Variants in YTHDC2 observed in about 807,000 individuals in gnomAD.
YTHDC2 encodes YTH N6-methyladenosine RNA binding protein C2, also known as 3'-5' RNA helicase YTHDC2.
A neutral mutation model predicts 174.9 loss-of-function variants in YTHDC2; 45 were observed. The ratio of observed to expected loss-of-function variants is 0.26; its 90% CI spans 0.20 to 0.33. YTHDC2 has a LOEUF of 0.33. Ranked by LOEUF, YTHDC2 falls within the 10% of genes least tolerant of loss-of-function variation. The probability of loss-of-function intolerance (pLI) is 1.00; values close to 1 mark genes in which losing one functional copy is unlikely to be tolerated. For synonymous variants in YTHDC2, 657 were observed against 574.5 expected (o/e 1.14, Z -2.05); for missense variants, 1,650 against 1,723.7 (o/e 0.96, Z 0.76).
chr5:113,563,825 C>G, intron 19 of YTHDC2, 34 bp from the exon 20 acceptor site: 1 of 1,608,690 alleles, frequency 6.2e-7, no homozygotes, highest in South Asian at 1.1e-5. Context: ...ACAGTTTGCT[C>G]ACATCAAAGT....
chr5:113,543,643 C>G (rs1775636562), intron 10 of YTHDC2, among the ~76,000 whole-genome samples: 1 of 152,232 alleles, frequency 6.6e-6, no homozygotes, highest in Non-Finnish European at 1.5e-5. Context: ...GTTCTCAACT[C>G]TCGCAGGCTT....
chr5:113,563,478 G>T lies in YTHDC2; in HGVS notation c.2428G>T (p.Val810Leu), dbSNP rs147258494. The change falls in exon 19 of 30, where the codon GTA becomes TTA. Residue 810 changes from valine (V) to leucine (L), a missense_variant. By Grantham distance (32) the Val-to-Leu change is conservative. Around this residue, in one of 5 missense-constraint regions of YTHDC2, gnomAD observed 913 missense variants for 940.4 expected, o/e 0.97. Coordinates refer to ENST00000161863, the MANE Select transcript of YTHDC2 (RefSeq NM_022828.5). ...PPPALIVRNA[V>L]QMLKTIDAMD... is the part of the protein sequence containing the mutation. ...ACCAGCTTTAATTGTAAGAAATGCTGTACAAATGCTTAAGGTTGGTGTCTT... is the reference window on the plus strand; with the variant it reads ...ACCAGCTTTAATTGTAAGAAATGCTTTACAAATGCTTAAGGTTGGTGTCTT... 5.0e-6 allele frequency: 8 copies of T among 1,605,948 alleles called. No individual in the cohort carries two copies. The highest frequency in any genetic ancestry group is 1.7e-5 in the Admixed American group (1 of 59,460).
At chr5:113,525,248 T>G in intron 3 of YTHDC2, 71 bp downstream of exon 3, 1 of 1,275,726 alleles carries the variant, frequency 7.8e-7, no homozygotes, top group South Asian at 1.7e-5. Flanking sequence ...ATTTTAGATT[T>G]ATTTTCGAAA....
intron 7 of YTHDC2, among the ~76,000 whole-genome samples, chr5:113,538,674 T>C (rs1561644688): frequency 3.9e-5 from 6 of 152,162 alleles, no homozygotes. Flanking sequence ...TGTCATGGTG[T>C]CTTGTACTTG....
chr5:113,539,987 G>A (rs995888493), intron 8 of YTHDC2, among the ~76,000 whole-genome samples: 2 of 152,086 alleles, frequency 1.3e-5, no homozygotes, highest in Admixed American at 6.5e-5. Context: ...CTGCAGCCTC[G>A]ACCTCCTCAT....
chr5:113,542,574 C>G (rs369812390), intron 10 of YTHDC2, 71 bp downstream of exon 10: 1 of 1,398,356 alleles, frequency 7.2e-7, no homozygotes, highest in African/African-American at 1.5e-5. Context: ...TAATTCAAAA[C>G]GTATGTACTA....
intron 10 of YTHDC2, among the ~76,000 whole-genome samples, chr5:113,545,402 G>A (rs960210983): frequency 1.4e-5 from 2 of 138,890 alleles, no homozygotes; most frequent in Non-Finnish European, 3.1e-5. Context: ...GTTTTGTTTT[G>A]AAACAGGGTC....
At position 113,526,691 on chromosome 5, in the gene YTHDC2, C is replaced by T. The variant is rs1774262066; in HGVS notation, c.581C>T (p.Pro194Leu). 4 of 1,592,644 alleles carry T rather than the reference C, an allele frequency of 2.5e-6. No individual in the cohort carries two copies. The East Asian group carries it at 6.9e-5, about 27-fold the overall frequency. ...TTTGATTCTTTTAGGCAGTCTTTAC[C>T]AGTGTTTGAGAAACAGGAAGAAATT... The part of the protein sequence containing the change: ...SEFDSFRQSL[P>L]VFEKQEEIVK... Residue 194 changes from proline (P) to leucine (L), a missense_variant, in exon 4 of 30, where the codon CCA becomes CTA. This residue lies in a region of YTHDC2 where 304 missense variants were observed against 341.4 expected (regional missense o/e 0.89). Transcript: ENST00000161863.
At chr5:113,571,156 T>C (rs6877834) in intron 23 of YTHDC2, among the ~76,000 whole-genome samples, 46,341 of 152,122 alleles carry the variant, frequency 0.3, 9,256 homozygotes, top group African/African-American at 0.55. Flanking sequence ...TATGTTCCTT[T>C]ACTACCTAGT....
chr5:113,535,898 C>G (rs1775027687), intron 7 of YTHDC2, 100 bp downstream of exon 7: 1 of 965,916 alleles, frequency 1.0e-6, no homozygotes, highest in African/African-American at 1.7e-5. Context: ...GAAGTAGAGG[C>G]CATCTATTAC....
At chr5:113,536,396 G>A (rs1176131984) in intron 7 of YTHDC2, among the ~76,000 whole-genome samples, 5 of 152,150 alleles carry the variant, frequency 3.3e-5, no homozygotes, top group East Asian at 1.9e-4. Flanking sequence ...GTGGTGGCAC[G>A]CACTTGCAGT....
At chr5:113,525,251 T>C in intron 3 of YTHDC2, 74 bp downstream of exon 3, 1 of 1,232,760 alleles carries the variant, frequency 8.1e-7, no homozygotes, top group Non-Finnish European at 1.1e-6. Flanking sequence ...TTAGATTTAT[T>C]TTCGAAAACC....
intron 21 of YTHDC2, 142 bp downstream of exon 21, chr5:113,566,161 G>T: frequency 9.9e-7 from 1 of 1,008,202 alleles, no homozygotes; most frequent in South Asian, 2.5e-5. Context: ...TGCATGATTT[G>T]TAGACTTCGA....
At chr5:113,568,709 C>T (rs750890948) in intron 23 of YTHDC2, among the ~76,000 whole-genome samples, 21 of 152,168 alleles carry the variant, frequency 1.4e-4, no homozygotes, top group Non-Finnish European at 2.4e-4. Flanking sequence ...TGATCTAATT[C>T]CTTTTTATGG....
At chr5:113,539,040 C>A in intron 7 of YTHDC2, 34 bp from the exon 8 acceptor site, 2 of 1,046,412 alleles carry the variant, frequency 1.9e-6, no homozygotes, top group Admixed American at 3.4e-5. Context: ...CTCCAAGATG[C>A]AAGTTGAGTA....
chr5:113,553,736 A>T (rs1234101709), intron 14 of YTHDC2, 31 bp from the exon 15 acceptor site: 3 of 1,612,418 alleles, frequency 1.9e-6, no homozygotes, highest in Non-Finnish European at 2.5e-6. Context: ...GACAGGTCTT[A>T]TAGTATGTTT....
chr5:113,564,713 A>G (rs974231675), intron 20 of YTHDC2, among the ~76,000 whole-genome samples: 6 of 152,216 alleles, frequency 3.9e-5, no homozygotes, highest in African/African-American at 1.4e-4. Flanking sequence ...ATTAAATGTA[A>G]TTTAGAATTT....
chr5:113,567,507 C>G, intron 22 of YTHDC2, 147 bp from the exon 23 acceptor site: 1 of 703,262 alleles, frequency 1.4e-6, no homozygotes, highest in South Asian at 2.8e-5. Context: ...TTTGTACGAA[C>G]TACATGAGCG....
chr5:113,528,320 C>T (rs1233937682), intron 4 of YTHDC2, among the ~76,000 whole-genome samples: 1 of 151,826 alleles, frequency 6.6e-6, no homozygotes, highest in Non-Finnish European at 1.5e-5. Context: ...GAGTTCAAAC[C>T]TGAGAAATAA....
Sources: gnomAD v4.1 joint callset for allele counts (sites outside exome capture counted in the v4.1 genomes callset) on GRCh38, gnomAD v4.1.1 for gene constraint, gnomAD v4.1.1 regional missense constraint, MANE v1.5 for transcripts, NCBI Gene and HGNC (gene_info 2026-07-23, HGNC 2026-07-21) for gene names.